The following SCGN variants were observed in gnomAD, a reference collection of about 807,000 sequenced individuals.
SCGN encodes the protein secretagogin.
A neutral mutation model predicts 39.7 loss-of-function variants in SCGN; 30 were observed. That is an observed-to-expected ratio of 0.76 (90% CI 0.57 to 1.03). The LOEUF (loss-of-function observed/expected upper bound fraction) is 1.03, where lower values mean the gene tolerates loss of function less well. Ranked by LOEUF, SCGN falls within the 50% of genes least tolerant of loss-of-function variation. The pLI, the probability that SCGN is intolerant of heterozygous loss-of-function variation, is 0.00. For synonymous variants in SCGN, 106 were observed against 114.1 expected (o/e 0.93, Z 0.45); for missense variants, 353 against 349.4 (o/e 1.01, Z -0.08).
chr6:25,694,251 T>A (rs2151383450), intron 10 of SCGN, among the ~76,000 whole-genome samples: 1 of 152,308 alleles, frequency 6.6e-6, no homozygotes, highest in South Asian at 2.1e-4. Context: ...TAATCTTCAA[T>A]AACTCTGCCT....
intron 2 of SCGN, among the ~76,000 whole-genome samples, chr6:25,655,447 G>A (rs12527646): frequency 0.27 from 41,571 of 151,992 alleles, 5,705 homozygotes; most frequent in African/African-American, 0.3. Context: ...TTGCAGCTTG[G>A]CTGTTTTTAT....
chr6:25,664,769 T>C (rs1228178585), intron 3 of SCGN, among the ~76,000 whole-genome samples, 174 bp from the exon 4 acceptor site: 3 of 152,138 alleles, frequency 2.0e-5, no homozygotes, highest in African/African-American at 7.2e-5. Context: ...TCTGAAAGAA[T>C]CAATGAATCA....
chr6:25,672,699 G>A (rs893498704), intron 6 of SCGN, among the ~76,000 whole-genome samples: 1 of 152,142 alleles, frequency 6.6e-6, no homozygotes. Flanking sequence ...GATGGAAAAC[G>A]GCTAGAGGGC....
At chr6:25,672,081 T>A (rs538429416) in intron 6 of SCGN, among the ~76,000 whole-genome samples, 1 of 152,346 alleles carries the variant, frequency 6.6e-6, no homozygotes, top group South Asian at 2.1e-4. Context: ...TTCTTGCTCA[T>A]CCTTCGATAT....
intron 3 of SCGN, among the ~76,000 whole-genome samples, 187 bp from the exon 4 acceptor site, chr6:25,664,756 C>T (rs1760398163): frequency 6.6e-6 from 1 of 152,120 alleles, no homozygotes; most frequent in Non-Finnish European, 1.5e-5. Context: ...GAGTGTGTTA[C>T]TTTCTGAAAG....
chr6:25,670,035 G>T lies in SCGN; in HGVS notation c.430G>T (p.Ala144Ser). Residue 144 changes from alanine to serine, a missense_variant, in exon 6 of 11, where the codon GCC (alanine) becomes TCC (serine). By Grantham distance (99) the Ala-to-Ser change is moderately conservative. Coordinates refer to ENST00000377961, the MANE Select transcript of SCGN (RefSeq NM_006998.4). ...LRDLFLHHKK[A>S]ISEAKLEEYT... is the part of the protein sequence containing the mutation. ...AGACCTCTTTCTTCACCACAAAAAG[G>T]CCATTTCTGAGGCTAAACTGGAAGA... The T allele has an allele frequency of 1.2e-6, 2 of 1,613,682 alleles. No homozygotes were observed. The highest frequency in any genetic ancestry group is 8.5e-7 in the Non-Finnish European group (1 of 1,179,844).
intron 4 of SCGN, among the ~76,000 whole-genome samples, chr6:25,665,594 G>T (rs889157689): frequency 2.0e-5 from 3 of 152,078 alleles, no homozygotes; most frequent in African/African-American, 7.2e-5. Context: ...CTACCCCCTC[G>T]CTCAGCCTCT....
intron 3 of SCGN, among the ~76,000 whole-genome samples, chr6:25,664,445 T>C (rs1760393856): frequency 6.6e-6 from 1 of 152,238 alleles, no homozygotes; most frequent in African/African-American, 2.4e-5. Flanking sequence ...TATAGACCAG[T>C]TTCCTCAACT....
In SCGN at chr6:25,653,406, A is replaced by G; in HGVS notation, c.107A>G (p.Glu36Gly). The G allele has an allele frequency of 6.2e-7, 1 of 1,612,660 alleles. No individual in the cohort carries two copies. The highest frequency in any genetic ancestry group is 8.5e-7 in the Non-Finnish European group (1 of 1,178,970). ...GAAAAAGGTTACATAGAAGAGAAGGAACTCGATGCTTTCTTTCTCCACATG... is the reference window on the plus strand; with the variant it reads ...GAAAAAGGTTACATAGAAGAGAAGGGACTCGATGCTTTCTTTCTCCACATG... ...ADEKGYIEEK[E>G]LDAFFLHMLM... Residue 36 changes from glutamate to glycine, a missense_variant, in exon 2 of 11, where the codon GAA becomes GGA. By Grantham distance (98) the Glu-to-Gly change is moderately conservative. Coordinates refer to ENST00000377961, the MANE Select transcript of SCGN (RefSeq NM_006998.4).
In SCGN at chr6:25,701,272, C is replaced by G; in HGVS notation, c.768C>G (p.Asn256Lys). The G allele has an allele frequency of 6.2e-7, 1 of 1,613,666 alleles. No homozygotes were observed. Among genetic ancestry groups the G allele is most frequent in the Non-Finnish European group, 8.5e-7 (1 of 1,179,824 alleles). Reference sequence around the variant, plus strand: ...TTCTCCTGCGTCACTGCGACGTGAACAAGGATGGAAAAATTCAGAAGTCTG... The same window carrying G: ...TTCTCCTGCGTCACTGCGACGTGAAGAAGGATGGAAAAATTCAGAAGTCTG... ...REILLRHCDV[N>K]KDGKIQKSEL... is the part of the protein sequence containing the mutation. The change falls in exon 11 of 11, where the codon AAC becomes AAG. Residue 256 changes from asparagine (N) to lysine (K), a missense_variant. By Grantham distance (94) the Asn-to-Lys change is moderately conservative (BLOSUM62 0). Coordinates refer to ENST00000377961, the MANE Select transcript of SCGN (RefSeq NM_006998.4).
In SCGN at chr6:25,670,154, G is replaced by C; in HGVS notation, c.471+78G>C. ...CAGACCCCAGAAACAGTGTCTGCTA[G>C]AGAGTTCGTCCTTGAGAAATTGAAG... is the stretch of plus-strand genomic sequence containing the variant. On this transcript the variant is annotated intron_variant, in intron 6 of 10. Transcript: ENST00000377961. 5.0e-6 allele frequency: 5 copies of C among 992,006 alleles called. No individual in the cohort carries two copies. In the Admixed American group the frequency reaches 5.4e-5, roughly 11 times the overall value. 61.5% of individuals were successfully genotyped at this position (992,006 alleles called of 1,614,324 possible).
In SCGN at chr6:25,691,038, G is replaced by A. The variant is rs767445618; in HGVS notation, c.634-18G>A. ...TTAAGAAACTGATATTTGGGCAATTGGATCTTTTCTTTTTCAGAGTAAAAC... is the reference window on the plus strand; with the variant it reads ...TTAAGAAACTGATATTTGGGCAATTAGATCTTTTCTTTTTCAGAGTAAAAC... On this transcript the variant is annotated intron_variant, in intron 9 of 10. Coordinates refer to ENST00000377961, the MANE Select transcript of SCGN (RefSeq NM_006998.4). 108 of 1,607,450 alleles carry A rather than the reference G, an allele frequency of 6.7e-5. No homozygotes were observed. Among genetic ancestry groups the A allele is most frequent in the Non-Finnish European group, 3.4e-6 (4 of 1,175,404 alleles).
At chr6:25,677,972 T>C (rs961776766) in intron 6 of SCGN, among the ~76,000 whole-genome samples, 21 of 152,234 alleles carry the variant, frequency 1.4e-4, no homozygotes, top group African/African-American at 5.1e-4. Context: ...CAATCACTAT[T>C]GCACCTACAA....
At chr6:25,668,408 C>T (rs754736758) in intron 4 of SCGN, among the ~76,000 whole-genome samples, 2 of 152,166 alleles carry the variant, frequency 1.3e-5, no homozygotes, top group Non-Finnish European at 2.9e-5. Flanking sequence ...GCTTCTTCAG[C>T]TGGATGAATG....
intron 6 of SCGN, among the ~76,000 whole-genome samples, chr6:25,676,581 T>G (rs1340378183): frequency 1.3e-5 from 2 of 152,356 alleles, no homozygotes; most frequent in East Asian, 3.9e-4. Flanking sequence ...CTTCCATCTC[T>G]TTCAGGTCTT....
chr6:25,669,514 T>A lies in SCGN; in HGVS notation c.340T>A (p.Trp114Arg), dbSNP rs770410560. 4 of 1,613,454 alleles carry A rather than the reference T, an allele frequency of 2.5e-6. No individual in the cohort carries two copies. The South Asian group carries it at 4.4e-5, about 18-fold the overall frequency. ...LDSSVEFMQI[W>R]RKYDADSSGF... ...TAGTGACTTTTGTGTATTTCAGATT[T>A]GGCGCAAATATGACGCTGACAGCAG... Residue 114 changes from tryptophan (W) to arginine (R), a missense_variant, in exon 5 of 11, where the codon TGG becomes AGG. Trp to Arg is a moderately radical substitution (Grantham distance 101). Transcript: ENST00000377961.
Position 25,652,296 on chromosome 6 carries a change from C to A in SCGN, c.-108C>A. 1 of 868,786 alleles carries A rather than the reference C, an allele frequency of 1.2e-6. No homozygotes were observed. The highest frequency in any genetic ancestry group is 1.9e-6 in the Non-Finnish European group (1 of 524,290). The allele number at this position is 868,786 out of a possible 1,614,324, so 53.8% of individuals were successfully genotyped here. A position where few individuals can be genotyped will look rare whatever the true frequency, so the allele number is the denominator to read the frequency against. ...CCAGCAACAGTTACTCAAAGCTAATCAGATAGCGAAAGAAGCAGGAGAGCA... is the reference window on the plus strand; with the variant it reads ...CCAGCAACAGTTACTCAAAGCTAATAAGATAGCGAAAGAAGCAGGAGAGCA... On this transcript the variant is annotated 5_prime_UTR_variant, in exon 1 of 11. Coordinates refer to ENST00000377961, the MANE Select transcript of SCGN (RefSeq NM_006998.4).
At chr6:25,657,358 T>C (rs951550506) in intron 2 of SCGN, among the ~76,000 whole-genome samples, 2 of 152,184 alleles carry the variant, frequency 1.3e-5, no homozygotes, top group Non-Finnish European at 2.9e-5. Context: ...GATAGCAACA[T>C]GCCATTTAAA....
At chr6:25,681,879 A>T in intron 6 of SCGN, 72 bp from the exon 7 acceptor site, 2 of 1,323,730 alleles carry the variant, frequency 1.5e-6, no homozygotes, top group Non-Finnish European at 2.2e-6. Flanking sequence ...AGAGCAAAAT[A>T]GAAAAGTGCT....
Sources: allele counts gnomAD v4.1 joint callset (sites outside exome capture counted in the v4.1 genomes callset), GRCh38; gene constraint gnomAD v4.1.1; transcripts MANE v1.5; gene names NCBI Gene and HGNC (gene_info 2026-07-23, HGNC 2026-07-21).